CDCA7: variants seen among roughly 807,000 people sequenced by gnomAD.
CDCA7 encodes cell division cycle associated 7.
In CDCA7, 28 loss-of-function variants were observed where a neutral mutation model predicts 54.0. The ratio of observed to expected loss-of-function variants is 0.52; its 90% CI spans 0.38 to 0.71. The LOEUF (loss-of-function observed/expected upper bound fraction) is 0.71. Among genes scored for constraint, CDCA7 ranks in the 30% least tolerant of loss-of-function variants. The pLI is 0.00. For missense variants in CDCA7, 484 were observed against 586.0 expected (o/e 0.83, Z 1.80); for synonymous variants, 180 against 208.2 (o/e 0.86, Z 1.16).
intron 5 of CDCA7, 153 bp from the exon 6 acceptor site, chr2:173,364,642 T>C: frequency 2.7e-6 from 3 of 1,125,980 alleles, no homozygotes; most frequent in Non-Finnish European, 3.5e-6. Context: ...GGTTTTAGGC[T>C]CATTTTGCCA....
chr2:173,355,797 GT>G (rs1686491486), intron 1 of CDCA7, among the ~76,000 whole-genome samples: 1 of 152,016 alleles, frequency 6.6e-6, no homozygotes, highest in African/African-American at 2.4e-5. Flanking sequence ...AAGAGTGGGG[GT>G]TGGGTGAAAC....
Position 173,366,454 on chromosome 2 carries a change from G to A in CDCA7, c.1185+22G>A, listed in dbSNP as rs1338743279. On this transcript the variant is annotated intron_variant, in intron 8 of 9. Coordinates refer to ENST00000306721, the MANE Select transcript of CDCA7 (RefSeq NM_031942.5). The surrounding 1 kb of genome is among the most constrained non-coding windows in gnomAD (Gnocchi z 4.5). The stretch of plus-strand genomic sequence containing the variant: ...TCCGGTAGGTGCCTGCCAGGGGTTG[G>A]TCCTGTGGGCTTGAAGGTCAGCCAC... 1 of 1,611,646 alleles carries A rather than the reference G, an allele frequency of 6.2e-7. No homozygotes were observed. Among genetic ancestry groups the A allele is most frequent in the Admixed American group, 1.7e-5 (1 of 59,716 alleles).
rs751931200 is a variant in CDCA7 at position 173,363,482 on chromosome 2, T to G, written c.621+20T>G. On this transcript the variant is annotated intron_variant, in intron 4 of 9. Coordinates refer to ENST00000306721, the MANE Select transcript of CDCA7 (RefSeq NM_031942.5). ...GCAATGGTAGGTATCTGACTTTGTG[T>G]TAGAATTAATTTTTCCTCTCTAAGC... 1.2e-6 allele frequency: 2 copies of G among 1,601,144 alleles called. No homozygotes were observed. Among genetic ancestry groups the G allele is most frequent in the Non-Finnish European group, 1.7e-6 (2 of 1,168,968 alleles).
intron 3 of CDCA7, among the ~76,000 whole-genome samples, 171 bp downstream of exon 3, chr2:173,359,662 T>C (rs915947318): frequency 5.9e-5 from 9 of 152,254 alleles, no homozygotes; most frequent in African/African-American, 2.2e-4. Flanking sequence ...TTTACTAATG[T>C]AGTCGGACTT....
chr2:173,356,852 T>C (rs926605542), intron 1 of CDCA7, among the ~76,000 whole-genome samples: 1 of 152,246 alleles, frequency 6.6e-6, no homozygotes, highest in Non-Finnish European at 1.5e-5. Context: ...CACGTTGTCC[T>C]GCCTTGTTAA....
intron 4 of CDCA7, 36 bp downstream of exon 4, chr2:173,363,498 C>A: frequency 6.4e-7 from 1 of 1,573,124 alleles, no homozygotes; most frequent in South Asian, 1.1e-5. Context: ...TTAATTTTTC[C>A]TCTCTAAGCG....
chr2:173,358,310 T>C (rs1686550891), intron 1 of CDCA7, among the ~76,000 whole-genome samples: 1 of 152,024 alleles, frequency 6.6e-6, no homozygotes, highest in Non-Finnish European at 1.5e-5. Context: ...GGAGGATCAC[T>C]TGAGCCCAGG....
In CDCA7 at chr2:173,363,671, A is replaced by G. The variant is rs901682108; in HGVS notation, c.622-147A>G. 6.5e-5 allele frequency: 61 copies of G among 936,194 alleles called. No individual in the cohort carries two copies. In the Admixed American group the frequency reaches 7.1e-4, roughly 11 times the overall value. 58.0% of individuals were successfully genotyped at this position (936,194 alleles called of 1,614,324 possible). A position where few individuals can be genotyped will look rare whatever the true frequency, so the allele number is the denominator to read the frequency against. On this transcript the variant is annotated intron_variant, in intron 4 of 9. Coordinates refer to ENST00000306721, the MANE Select transcript of CDCA7 (RefSeq NM_031942.5). ...ATCTGTTAAAGGCCTGGTTAAGTGT[A>G]TAGGGGAAATCAGAAACTCTGAATG...
At chr2:173,364,629 A>G (rs1177554106) in intron 5 of CDCA7, 166 bp from the exon 6 acceptor site, 2 of 961,030 alleles carry the variant, frequency 2.1e-6, no homozygotes, top group Non-Finnish European at 1.4e-6. Flanking sequence ...AGATGGCCAT[A>G]TAGGTTTTAG....
At chr2:173,358,212 A>AAG (rs1429238485) in intron 1 of CDCA7, among the ~76,000 whole-genome samples, 1 of 151,706 alleles carries the variant, frequency 6.6e-6, no homozygotes, top group Non-Finnish European at 1.5e-5. Flanking sequence ...AAAAAAAAAA[A>AAG]AAAAGAATTT....
chr2:173,367,293 G>T lies in CDCA7; in HGVS notation c.1322+7G>T, dbSNP rs758518370. ...TGCATGCCTACTTGAAAAGGTAGTG[G>T]GTGTTTTTTTTTCCCTTCCACATCT... is the stretch of plus-strand genomic sequence containing the variant. On this transcript the variant is annotated splice_region_variant and intron_variant, in intron 9 of 9. Transcript: ENST00000306721. The T allele has an allele frequency of 2.0e-5, 32 of 1,613,866 alleles. No individual in the cohort carries two copies. The highest frequency in any genetic ancestry group is 2.5e-5 in the Non-Finnish European group (30 of 1,180,006).
At chr2:173,359,873 C>T (rs1210826750) in intron 3 of CDCA7, among the ~76,000 whole-genome samples, 1 of 152,208 alleles carries the variant, frequency 6.6e-6, no homozygotes, top group Non-Finnish European at 1.5e-5. Context: ...ATGTTGGTCT[C>T]ATAGTAGATC....
intron 3 of CDCA7, among the ~76,000 whole-genome samples, chr2:173,362,798 G>A (rs1686647660): frequency 6.6e-6 from 1 of 151,564 alleles, no homozygotes; most frequent in African/African-American, 2.4e-5. Flanking sequence ...GGCTGGTCTC[G>A]AACTCCTAGG....
At chr2:173,363,170 A>G (rs1461510575) in intron 3 of CDCA7, 56 bp from the exon 4 acceptor site, 5 of 1,531,678 alleles carry the variant, frequency 3.3e-6, no homozygotes, top group Non-Finnish European at 4.5e-6. Context: ...CTTTGTAGTT[A>G]TACTGATGCA....
chr2:173,361,962 G>A (rs527410340), intron 3 of CDCA7, among the ~76,000 whole-genome samples: 2 of 152,012 alleles, frequency 1.3e-5, no homozygotes, highest in South Asian at 2.1e-4. Flanking sequence ...GATTACAGGC[G>A]TGTGCCACTG....
chr2:173,359,360 G>T lies in CDCA7; in HGVS notation c.253G>T (p.Val85Leu), dbSNP rs1686577076. The change falls in exon 3 of 10, where the codon GTA (valine) becomes TTA (leucine). Residue 85 changes from valine to leucine, a missense_variant. Around this residue, in one of 3 missense-constraint regions of CDCA7, gnomAD observed 398 missense variants for 447.4 expected, o/e 0.89. Coordinates refer to ENST00000306721, the MANE Select transcript of CDCA7 (RefSeq NM_031942.5). Reference protein sequence around the residue: ...CGFSESEVQDVLDHCGFLQKP... With the variant: ...CGFSESEVQDLLDHCGFLQKP... Reference sequence around the variant, plus strand: ...CTTTTCAGAAAGTGAGGTGCAAGATGTATTAGACCATTGTGGATTTTTACA... The same window carrying T: ...CTTTTCAGAAAGTGAGGTGCAAGATTTATTAGACCATTGTGGATTTTTACA... 1 of 1,614,084 alleles carries T rather than the reference G, an allele frequency of 6.2e-7. No homozygotes were observed. The highest frequency in any genetic ancestry group is 1.3e-5 in the African/African-American group (1 of 74,914).
chr2:173,367,205 G>A lies in CDCA7; in HGVS notation c.1241G>A (p.Arg414Gln). 2 of 1,610,184 alleles carry A rather than the reference G, an allele frequency of 1.2e-6. No individual in the cohort carries two copies. Among genetic ancestry groups the A allele is most frequent in the Non-Finnish European group, 1.7e-6 (2 of 1,178,862 alleles). ...TGCAACTGCAGTTTCTGCCGGCAGC[G>A]AGATGGACGGTGTGCGACTGGGGTC... Reference protein sequence around the residue: ...GICNCSFCRQRDGRCATGVLV... With the variant: ...GICNCSFCRQQDGRCATGVLV... Residue 414 changes from arginine (R) to glutamine (Q), a missense_variant, in exon 9 of 10, where the codon CGA (arginine) becomes CAA (glutamine). Coordinates refer to ENST00000306721, the MANE Select transcript of CDCA7 (RefSeq NM_031942.5).
intron 7 of CDCA7, 40 bp downstream of exon 7, chr2:173,365,632 G>A: frequency 1.2e-6 from 2 of 1,603,806 alleles, no homozygotes; most frequent in Non-Finnish European, 1.7e-6. Flanking sequence ...GTAAACATCT[G>A]TGAGAGGAAG....
chr2:173,367,596 A>G, intron 9 of CDCA7, 38 bp from the exon 10 acceptor site: 1 of 1,612,290 alleles, frequency 6.2e-7, no homozygotes, highest in Non-Finnish European at 8.5e-7. Context: ...CTTTGGTTGA[A>G]AACTATGTCC....
Sources: allele counts gnomAD v4.1 joint callset (sites outside exome capture counted in the v4.1 genomes callset), GRCh38; gene constraint gnomAD v4.1.1; regional missense constraint gnomAD v4.1.1; non-coding constraint Gnocchi (gnomAD v3.1); transcripts MANE v1.5; gene names NCBI Gene and HGNC (gene_info 2026-07-23, HGNC 2026-07-21).